COG6: variants seen among roughly 807,000 people sequenced by gnomAD.
COG6 encodes the protein conserved oligomeric Golgi complex subunit 6.
A neutral mutation model predicts 88.8 loss-of-function variants in COG6; 74 were observed. The ratio of observed to expected loss-of-function variants is 0.83; its 90% CI spans 0.69 to 1.01. COG6 has a LOEUF of 1.01. Among genes scored for constraint, COG6 ranks in the 50% least tolerant of loss-of-function variants. The pLI is 0.00. For missense variants in COG6, 800 were observed against 797.9 expected (o/e 1.00, Z -0.03); for synonymous variants, 286 against 278.7 (o/e 1.03, Z -0.26).
intron 3 of COG6, among the ~76,000 whole-genome samples, chr13:39,661,691 A>G (rs1435376731): frequency 6.6e-6 from 1 of 151,758 alleles, no homozygotes; most frequent in Non-Finnish European, 1.5e-5. Context: ...CAATATTTAG[A>G]TATTTGTTAA....
At chr13:39,749,904 T>C (rs1880530945) in intron 18 of COG6, among the ~76,000 whole-genome samples, 1 of 152,166 alleles carries the variant, frequency 6.6e-6, no homozygotes, top group Admixed American at 6.6e-5. Context: ...TGATAGAAAG[T>C]ATGCCTCAGC....
In COG6 at chr13:39,718,257, C is replaced by T. The variant is rs150432507; in HGVS notation, c.1285-979C>T. 1.7e-4 allele frequency among the ~76,000 whole-genome samples: 26 copies of T among 152,112 alleles called. No homozygotes were observed. The East Asian group carries it at 4.1e-3, about 24-fold the overall frequency. ...TACTTTGCTATTCCTGGTGATGTCA[C>T]TTATGTATTAACTTTCTACATGAAA... On this transcript the variant is annotated intron_variant, in intron 13 of 18. Coordinates refer to ENST00000455146, the MANE Select transcript of COG6 (RefSeq NM_020751.3).
chr13:39,680,036 T>TG lies in COG6; in HGVS notation c.688dup (p.Ala230GlyfsTer4). On this transcript the variant is annotated frameshift_variant, in exon 7 of 19. Transcript: ENST00000455146. LOFTEE classifies it high-confidence loss of function. ...AACGGCTTATGAAAGACTTTACCGATGGGCTCAAAGTAAGTGATTTCTTTT... is the reference window on the plus strand; with the variant it reads ...AACGGCTTATGAAAGACTTTACCGATGGGGCTCAAAGTAAGTGATTTCTTTT... 4 of 1,580,512 alleles carry TG rather than the reference T, an allele frequency of 2.5e-6. No individual in the cohort carries two copies. Among genetic ancestry groups the TG allele is most frequent in the Non-Finnish European group, 3.5e-6 (4 of 1,151,098 alleles).
chr13:39,778,523 T>G (rs1881531011), intron 18 of COG6, among the ~76,000 whole-genome samples: 2 of 152,360 alleles, frequency 1.3e-5, no homozygotes, highest in Middle Eastern at 3.4e-3. Flanking sequence ...CAGGAGAGGA[T>G]ATAGCAGTAA....
chr13:39,726,553 T>A (rs1593454986), intron 17 of COG6, among the ~76,000 whole-genome samples: 1 of 152,082 alleles, frequency 6.6e-6, no homozygotes, highest in East Asian at 1.9e-4. Flanking sequence ...AGTAGGTACC[T>A]AAGGTACCTA....
intron 11 of COG6, 142 bp from the exon 12 acceptor site, chr13:39,694,492 C>A: frequency 1.8e-6 from 1 of 550,964 alleles, no homozygotes; most frequent in Non-Finnish European, 3.3e-6. Flanking sequence ...TGACTTACTA[C>A]TCAGAAATTA....
At chr13:39,727,572 G>C (rs773423750) in intron 18 of COG6, 24 bp downstream of exon 18, 1 of 1,517,720 alleles carries the variant, frequency 6.6e-7, no homozygotes, top group East Asian at 2.3e-5. Context: ...GTCCCAAGTA[G>C]TTGGTAAAGA....
intron 18 of COG6, among the ~76,000 whole-genome samples, chr13:39,786,901 A>G (rs1303149823): frequency 6.6e-6 from 1 of 152,218 alleles, no homozygotes; most frequent in Admixed American, 6.5e-5. Context: ...CCATAATACA[A>G]TAACTATACA....
intron 18 of COG6, among the ~76,000 whole-genome samples, chr13:39,738,492 A>G (rs1451609151): frequency 6.6e-6 from 1 of 152,204 alleles, no homozygotes; most frequent in Non-Finnish European, 1.5e-5. Flanking sequence ...AAAGGAGGGT[A>G]AAAGAACAAA....
At chr13:39,685,036 CCTT>C (rs1455409357) in intron 8 of COG6, among the ~76,000 whole-genome samples, 1 of 151,934 alleles carries the variant, frequency 6.6e-6, no homozygotes, top group Admixed American at 6.5e-5. Context: ...GATTTTTCTT[CCTT>C]CTTTATGTAT....
intron 12 of COG6, among the ~76,000 whole-genome samples, chr13:39,696,080 A>G (rs1183440608): frequency 6.6e-6 from 1 of 151,890 alleles, no homozygotes; most frequent in African/African-American, 2.4e-5. Context: ...GATTCTGAAG[A>G]TGATAATAGG....
chr13:39,762,896 A>G (rs900186196), intron 18 of COG6, among the ~76,000 whole-genome samples: 1 of 151,372 alleles, frequency 6.6e-6, no homozygotes, highest in Non-Finnish European at 1.5e-5. Context: ...AGATTTCAGT[A>G]TCTCACCATA....
chr13:39,717,414 C>T (rs1219140783), intron 13 of COG6, among the ~76,000 whole-genome samples: 5 of 151,576 alleles, frequency 3.3e-5, no homozygotes, highest in Non-Finnish European at 4.4e-5. Context: ...TTTCTTTGTT[C>T]TTTCCTTCTG....
intron 13 of COG6, among the ~76,000 whole-genome samples, chr13:39,711,810 T>TA (rs1878253143): frequency 6.6e-6 from 1 of 152,230 alleles, no homozygotes; most frequent in Non-Finnish European, 1.5e-5. Context: ...TTCAGTCTTT[T>TA]AAAAATATGA....
chr13:39,775,677 T>G (rs1881442214), intron 18 of COG6, among the ~76,000 whole-genome samples: 1 of 152,240 alleles, frequency 6.6e-6, no homozygotes, highest in African/African-American at 2.4e-5. Flanking sequence ...TTTTACATTT[T>G]AATACAATAC....
intron 18 of COG6, among the ~76,000 whole-genome samples, chr13:39,783,617 C>G (rs542828810): frequency 6.6e-6 from 1 of 152,138 alleles, no homozygotes; most frequent in East Asian, 1.9e-4. Context: ...ACAATACTTC[C>G]CAGAGGCCTG....
intron 13 of COG6, among the ~76,000 whole-genome samples, chr13:39,704,009 C>T (rs942920041): frequency 2.0e-5 from 3 of 152,038 alleles, no homozygotes. Flanking sequence ...GCAGGAATTA[C>T]AGGTGTGAGC....
At chr13:39,671,643 G>A (rs1472450994) in intron 4 of COG6, among the ~76,000 whole-genome samples, 2 of 151,816 alleles carry the variant, frequency 1.3e-5, no homozygotes, top group African/African-American at 4.8e-5. Context: ...AGGCTATCAT[G>A]TATGTGTATG....
chr13:39,688,984 C>A (rs562917812), intron 10 of COG6, among the ~76,000 whole-genome samples: 1 of 152,252 alleles, frequency 6.6e-6, no homozygotes, highest in African/African-American at 2.4e-5. Context: ...GTAATACTAA[C>A]TTTATAGCTT....
Sources: gnomAD v4.1 joint callset for allele counts (sites outside exome capture counted in the v4.1 genomes callset) on GRCh38, gnomAD v4.1.1 for gene constraint, MANE v1.5 for transcripts, NCBI Gene and HGNC (gene_info 2026-07-23, HGNC 2026-07-21) for gene names.